Variants in DOCK8 observed in about 807,000 individuals in gnomAD.
The protein encoded by DOCK8 is dedicator of cytokinesis protein 8.
Under a neutral mutation model 245.6 loss-of-function variants are expected in DOCK8, and 141 were observed. The ratio of observed to expected loss-of-function variants is 0.57; its 90% CI spans 0.50 to 0.66. The LOEUF is 0.66. Among genes scored for constraint, DOCK8 ranks in the 30% least tolerant of loss-of-function variants. DOCK8 has a pLI of 0.00. For missense variants in DOCK8, 2,965 were observed against 2,603.4 expected, an observed-to-expected ratio of 1.14 and a Z score of -3.02; for synonymous variants, 1,168 against 970.2, an observed-to-expected ratio of 1.20 and a Z score of -3.79.
At chr9:334,542 A>G (rs1246739873) in intron 11 of DOCK8, among the ~76,000 whole-genome samples, 158 bp downstream of exon 11, 2 of 152,232 alleles carry the variant, frequency 1.3e-5, no homozygotes, top group Non-Finnish European at 1.5e-5. Context: ...TGGATTACGT[A>G]GATTTGGACG....
chr9:385,131 A>T (rs2131316558), intron 22 of DOCK8, among the ~76,000 whole-genome samples: 1 of 152,272 alleles, frequency 6.6e-6, no homozygotes, highest in East Asian at 1.9e-4. Context: ...TTTGAAACAG[A>T]CATTGTTAAA....
intron 26 of DOCK8, among the ~76,000 whole-genome samples, chr9:400,634 ACC>A (rs1564014742): frequency 9.0e-6 from 1 of 111,132 alleles, no homozygotes; most frequent in Non-Finnish European, 1.8e-5. Flanking sequence ...CATCACCACC[ACC>A]TCCACCATCA....
chr9:427,063 A>G (rs2056530595), intron 34 of DOCK8, 82 bp downstream of exon 34: 4 of 1,214,140 alleles, frequency 3.3e-6, no homozygotes, highest in Non-Finnish European at 4.8e-6. Context: ...CAAAATTGTG[A>G]AAGACATAAA....
intron 1 of DOCK8, among the ~76,000 whole-genome samples, chr9:265,979 C>A (rs918305753): frequency 6.6e-6 from 1 of 152,058 alleles, no homozygotes; most frequent in Non-Finnish European, 1.5e-5. Context: ...CTTTATTCTT[C>A]TAGACACATA....
At chr9:303,789 C>G (rs1459343658) in intron 4 of DOCK8, among the ~76,000 whole-genome samples, 1 of 152,038 alleles carries the variant, frequency 6.6e-6, no homozygotes, top group African/African-American at 2.4e-5. Flanking sequence ...TCCCTTGAAC[C>G]TAAAATAAAA....
intron 14 of DOCK8, among the ~76,000 whole-genome samples, chr9:364,469 C>CA (rs1297474147): frequency 6.6e-6 from 1 of 151,548 alleles, no homozygotes; most frequent in Non-Finnish European, 1.5e-5. Context: ...CCTGTCTCTA[C>CA]AAAAAATTTA....
At chr9:384,732 C>A (rs542385247) in intron 22 of DOCK8, among the ~76,000 whole-genome samples, 29 of 152,122 alleles carry the variant, frequency 1.9e-4, no homozygotes, top group African/African-American at 6.7e-4. Flanking sequence ...CTGGCTAACA[C>A]GGTGAAACCC....
chr9:232,064 T>C (rs967548840), intron 1 of DOCK8, among the ~76,000 whole-genome samples: 4 of 152,144 alleles, frequency 2.6e-5, no homozygotes, highest in African/African-American at 7.2e-5. Context: ...TTTTGAGATA[T>C]GTCCCATCAA....
At chr9:252,295 A>G (rs972641153) in intron 1 of DOCK8, among the ~76,000 whole-genome samples, 4 of 151,048 alleles carry the variant, frequency 2.6e-5, no homozygotes, top group Non-Finnish European at 4.4e-5. Flanking sequence ...TTACAGCCTG[A>G]CAGGTTTGGA....
chr9:336,530 G>C (rs1204845889), intron 11 of DOCK8, 52 bp from the exon 12 acceptor site: 1 of 1,612,208 alleles, frequency 6.2e-7, no homozygotes, highest in Non-Finnish European at 8.5e-7. Context: ...AATAACTGCT[G>C]TGTGTTTGAA....
intron 1 of DOCK8, among the ~76,000 whole-genome samples, chr9:264,710 G>T (rs1402793501): frequency 6.6e-6 from 1 of 152,084 alleles, no homozygotes; most frequent in Non-Finnish European, 1.5e-5. Flanking sequence ...AATTCATTTT[G>T]TACACTTTTA....
chr9:335,809 G>A (rs1000958127), intron 11 of DOCK8, among the ~76,000 whole-genome samples: 2 of 152,142 alleles, frequency 1.3e-5, no homozygotes, highest in African/African-American at 4.8e-5. Flanking sequence ...AAGTTTAGGT[G>A]GGTAGAGGTA....
At chr9:290,599 A>G (rs2048999239) in intron 4 of DOCK8, among the ~76,000 whole-genome samples, 2 of 152,204 alleles carry the variant, frequency 1.3e-5, no homozygotes, top group Admixed American at 1.3e-4. Flanking sequence ...TCTCCATGCC[A>G]TGGACCTGGA....
Position 432,183 on chromosome 9 carries a change from G to A in DOCK8, c.4644G>A (p.Lys1548=). 1 of 1,610,630 alleles carries A rather than the reference G, an allele frequency of 6.2e-7. No homozygotes were observed. The highest frequency in any genetic ancestry group is 1.1e-5 in the South Asian group (1 of 90,946). Residue 1548 remains lysine, a synonymous_variant, in exon 37 of 48, where the codon AAG becomes AAA. Transcript: ENST00000432829. ...TGATGCAGAATTTTGCAAGAGTAAAGATGCAAGTAACCATGTCCCTGGCAT... is the reference window on the plus strand; with the variant it reads ...TGATGCAGAATTTTGCAAGAGTAAAAATGCAAGTAACCATGTCCCTGGCAT... ...FGATSNFARV[K]MQVTMSLASL...
At chr9:438,721 A>C (rs1483481910) in intron 39 of DOCK8, among the ~76,000 whole-genome samples, 1 of 152,202 alleles carries the variant, frequency 6.6e-6, no homozygotes, top group African/African-American at 2.4e-5. Context: ...GAAGAACAAA[A>C]ACACACACAC....
chr9:275,480 A>T (rs1422246842), intron 2 of DOCK8, among the ~76,000 whole-genome samples: 1 of 152,168 alleles, frequency 6.6e-6, no homozygotes, highest in African/African-American at 2.4e-5. Flanking sequence ...ATTCAATCAG[A>T]ATTCCTGGGG....
Position 465,037 on chromosome 9 carries a change from T to C in DOCK8, c.*818T>C, listed in dbSNP as rs2057927892. ...TTCTCCTCTCTGGGACCAAGTTTCT[T>C]TTTATAAAGCAATAATATCTCTGTT... On this transcript the variant is annotated 3_prime_UTR_variant, in exon 48 of 48. Transcript: ENST00000432829. The C allele has an allele frequency of 6.6e-6, 1 of 152,632 alleles. No homozygotes were observed. Among genetic ancestry groups the C allele is most frequent in the African/African-American group, 2.4e-5 (1 of 41,446 alleles). 9.5% of individuals were successfully genotyped at this position (152,632 alleles called of 1,614,324 possible).
At chr9:395,319 G>T (rs2054398236) in intron 24 of DOCK8, among the ~76,000 whole-genome samples, 1 of 152,166 alleles carries the variant, frequency 6.6e-6, no homozygotes, top group Admixed American at 6.5e-5. Context: ...CATAAAGCCT[G>T]TGTCTCTGGT....
rs2051447498 is a variant in DOCK8, at chr9:338,989, G to C, written c.1423-17G>C. 2 of 1,613,010 alleles carry C rather than the reference G, an allele frequency of 1.2e-6. No individual in the cohort carries two copies. Among genetic ancestry groups the C allele is most frequent in the African/African-American group, 2.7e-5 (2 of 75,068 alleles). On this transcript the variant is annotated splice_polypyrimidine_tract_variant and intron_variant, in intron 12 of 47. Transcript: ENST00000432829. ...TCAAAGGTGCATCTACATTAACTCT[G>C]ACTTTTCTCTTGGCAGGAAGGAGAT... is the stretch of plus-strand genomic sequence containing the variant.
Sources: allele counts gnomAD v4.1 joint callset (sites outside exome capture counted in the v4.1 genomes callset), GRCh38; gene constraint gnomAD v4.1.1; transcripts MANE v1.5; gene names NCBI Gene and HGNC (gene_info 2026-07-23, HGNC 2026-07-21).